The following ZNF138 variants were observed in gnomAD, a reference collection of about 807,000 sequenced individuals.
ZNF138 encodes the protein zinc finger protein 138, also known as zinc finger protein 138 (clone pHZ-32).
ZNF138 carries 33 observed loss-of-function variants against 33.0 expected under a neutral mutation model. The observed-to-expected ratio is 1.00, with a 90% confidence interval of 0.76 to 1.34. The LOEUF (loss-of-function observed/expected upper bound fraction) is 1.34, where lower values mean the gene tolerates loss of function less well. Among genes scored for constraint, ZNF138 ranks in the 40% most tolerant of loss-of-function variants. The pLI is 0.00. For synonymous variants in ZNF138, 139 were observed against 120.4 expected (o/e 1.15, Z -1.01); for missense variants, 360 against 370.8 (o/e 0.97, Z 0.24).
At chr7:64,840,262 AC>A in the ZNF138 span, among the ~76,000 whole-genome samples, 1 of 152,134 alleles carries the variant, frequency 6.6e-6, no homozygotes, top group Non-Finnish European at 1.5e-5. Flanking sequence ...ACTAACTTTT[AC>A]CTATCCTACC....
At chr7:64,842,340 G>A in the ZNF138 span, among the ~76,000 whole-genome samples, 1 of 152,324 alleles carries the variant, frequency 6.6e-6, no homozygotes, top group Non-Finnish European at 1.5e-5. Flanking sequence ...GGGATTATAG[G>A]CGTGAGCCAC....
chr7:64,837,593 A>C (rs4718130), downstream of ZNF138, among the ~76,000 whole-genome samples: 149,959 of 152,236 alleles, frequency 0.99, 73,902 homozygotes, highest in East Asian at 1. Context: ...AGGTTACCCA[A>C]GATTGGCGCG....
At chr7:64,798,629 A>T (rs529205078) in intron 1 of ZNF138, among the ~76,000 whole-genome samples, 24 of 152,162 alleles carry the variant, frequency 1.6e-4, no homozygotes, top group Admixed American at 3.9e-4. Flanking sequence ...CTACAAAAAA[A>T]ATAGTCGGAC....
At chr7:64,795,643 C>T (rs1255992236) in intron 1 of ZNF138, among the ~76,000 whole-genome samples, 2 of 150,596 alleles carry the variant, frequency 1.3e-5, no homozygotes, top group Non-Finnish European at 2.9e-5. Flanking sequence ...AAACCAAAGA[C>T]TCATCCCCTG....
In ZNF138 at chr7:64,798,778, C is replaced by CAA. The variant is rs75929259; in HGVS notation, c.3+4222_3+4223dup. 3.2e-3 allele frequency among the ~76,000 whole-genome samples: 375 copies of CAA among 115,960 alleles called. 3 individuals are homozygous for CAA. The highest frequency in any genetic ancestry group is 5.2e-3 in the Middle Eastern group (1 of 194). 76.1% of individuals were successfully genotyped at this position (115,960 alleles called of 152,430 possible). The stretch of plus-strand genomic sequence containing the variant: ...GGGCAACAAGAGTGAAACTCCGACT[C>CAA]AAAAAAAAAAAAAAAAGGAAATTCT... On this transcript the variant is annotated intron_variant, in intron 1 of 3. Transcript: ENST00000307355.
chr7:64,854,487 C>T, the ZNF138 span, among the ~76,000 whole-genome samples: 1 of 152,218 alleles, frequency 6.6e-6, no homozygotes, highest in Admixed American at 6.5e-5. Flanking sequence ...GTGATCGGCC[C>T]ACCTCGGCCT....
At chr7:64,794,597 G>C in intron 1 of ZNF138, 26 bp downstream of exon 1, 1 of 1,613,244 alleles carries the variant, frequency 6.2e-7, no homozygotes, top group East Asian at 2.2e-5. Flanking sequence ...CCGACATCCC[G>C]AGAGAGGGGG....
chr7:64,827,343 G>A (rs926422625), intron 3 of ZNF138, among the ~76,000 whole-genome samples: 1 of 151,724 alleles, frequency 6.6e-6, no homozygotes, highest in African/African-American at 2.4e-5. Flanking sequence ...TGCCTCCCGG[G>A]TTCACGCCAT....
At chr7:64,799,865 T>C (rs2128984984) in intron 1 of ZNF138, among the ~76,000 whole-genome samples, 1 of 152,132 alleles carries the variant, frequency 6.6e-6, no homozygotes, top group South Asian at 2.1e-4. Flanking sequence ...GGTCTTGAAC[T>C]CCTGACCTCA....
intron 3 of ZNF138, among the ~76,000 whole-genome samples, chr7:64,820,991 TA>T (rs1191162152): frequency 6.6e-6 from 1 of 150,686 alleles, no homozygotes. Flanking sequence ...TTGGTGTTTT[TA>T]AAAAAAATTG....
chr7:64,843,573 T>C, the ZNF138 span, among the ~76,000 whole-genome samples: 1 of 152,178 alleles, frequency 6.6e-6, no homozygotes, highest in Non-Finnish European at 1.5e-5. Flanking sequence ...CTCTTGACCA[T>C]ATGTATGTCT....
At chr7:64,809,206 GC>G (rs1219520778) in intron 1 of ZNF138, among the ~76,000 whole-genome samples, 2 of 59,608 alleles carry the variant, frequency 3.4e-5, no homozygotes, top group African/African-American at 1.2e-4. Context: ...AGCTGGCCGG[GC>G]GGGGGGCTGA....
the ZNF138 span, among the ~76,000 whole-genome samples, chr7:64,857,884 G>A: frequency 1.3e-5 from 2 of 152,208 alleles, no homozygotes; most frequent in African/African-American, 2.4e-5. Flanking sequence ...AATAGCAAAG[G>A]AGGGTGATAT....
the ZNF138 span, among the ~76,000 whole-genome samples, chr7:64,847,853 A>C: frequency 3.3e-5 from 5 of 152,074 alleles, no homozygotes; most frequent in Non-Finnish European, 7.4e-5. Flanking sequence ...TTTACTTTCA[A>C]TGTTAGTATT....
At chr7:64,837,453 G>A (rs1003215163), downstream of ZNF138, among the ~76,000 whole-genome samples, 34 of 152,138 alleles carry the variant, frequency 2.2e-4, no homozygotes, top group African/African-American at 7.2e-4. Flanking sequence ...GGGCAGGTAC[G>A]TGCCAAGAGG....
In ZNF138 at chr7:64,830,889, A is replaced by T. The variant is rs6460194; in HGVS notation, c.209-562A>T. On this transcript the variant is annotated intron_variant, in intron 3 of 3. Coordinates refer to ENST00000307355, the MANE Select transcript of ZNF138 (RefSeq NM_001271639.2). ...GGTTTTTTTAGTTCATTCTTGTTTC[A>T]TCTTAATAGTCAGTAGTCACTTGCT... is the stretch of plus-strand genomic sequence containing the variant. 1 allele frequency: 1,493,774 copies of T among 1,497,960 alleles called. 744,906 individuals carry two copies. The highest frequency in any genetic ancestry group is 1 in the East Asian group (39,570 of 39,570). 92.8% of individuals were successfully genotyped at this position (1,497,960 alleles called of 1,614,324 possible).
chr7:64,848,233 T>C, the ZNF138 span, among the ~76,000 whole-genome samples: 1 of 152,100 alleles, frequency 6.6e-6, no homozygotes, highest in Non-Finnish European at 1.5e-5. Flanking sequence ...ATCTGATAGG[T>C]TTTTCTTTCC....
intron 3 of ZNF138, among the ~76,000 whole-genome samples, chr7:64,831,237 T>C (rs1383307398): frequency 1.3e-5 from 2 of 152,202 alleles, no homozygotes; most frequent in Non-Finnish European, 2.9e-5. Flanking sequence ...TGTGCAAACC[T>C]GGGGCACTGC....
intron 1 of ZNF138, among the ~76,000 whole-genome samples, chr7:64,799,688 G>A (rs538997832): frequency 3.0e-4 from 46 of 152,222 alleles, no homozygotes; most frequent in African/African-American, 9.9e-4. Context: ...TTGTTGCCCA[G>A]GCTGGAGTGC....
Sources: gnomAD v4.1 joint callset for allele counts (sites outside exome capture counted in the v4.1 genomes callset) on GRCh38, gnomAD v4.1.1 for gene constraint, MANE v1.5 for transcripts, NCBI Gene and HGNC (gene_info 2026-07-23, HGNC 2026-07-21) for gene names.